The following ITGAE variants were observed in gnomAD, a reference collection of about 807,000 sequenced individuals.
The protein encoded by ITGAE is integrin subunit alpha E.
Under a neutral mutation model 136.5 loss-of-function variants are expected in ITGAE, and 99 were observed. That is an observed-to-expected ratio of 0.73 (90% CI 0.62 to 0.86). The LOEUF (loss-of-function observed/expected upper bound fraction) is 0.86, where lower values mean the gene tolerates loss of function less well. Among genes scored for constraint, ITGAE ranks in the 40% least tolerant of loss-of-function variants. The pLI is 0.00. For missense variants in ITGAE, 1,447 were observed against 1,515.3 expected (o/e 0.95, Z 0.75); for synonymous variants, 613 against 591.8 (o/e 1.04, Z -0.52).
At chr17:3,717,467 T>C (rs2143005392) in intron 29 of ITGAE, 1 of 152,332 alleles carries the variant, frequency 6.6e-6, no homozygotes, top group East Asian at 1.9e-4. Context: ...GGGAGTCTAA[T>C]CTCTCTTCTG....
intron 14 of ITGAE, among the ~76,000 whole-genome samples, chr17:3,752,851 A>T (rs1443345366): frequency 2.0e-5 from 3 of 151,780 alleles, no homozygotes; most frequent in Non-Finnish European, 4.4e-5. Flanking sequence ...GGAGTTCAAG[A>T]CCAGCCTGAC....
chr17:3,740,282 C>T (rs1386334342), intron 19 of ITGAE, among the ~76,000 whole-genome samples: 1 of 152,242 alleles, frequency 6.6e-6, no homozygotes, highest in Non-Finnish European at 1.5e-5. Flanking sequence ...ATAGGCAGAA[C>T]AGCCCGGGCA....
intron 24 of ITGAE, 66 bp from the exon 25 acceptor site, chr17:3,728,234 C>A: frequency 8.1e-7 from 1 of 1,228,338 alleles, no homozygotes; most frequent in South Asian, 1.2e-5. Context: ...GACAGGGTCT[C>A]ACTCTGTTGC....
At chr17:3,782,558 G>C (rs2052691532) in intron 1 of ITGAE, among the ~76,000 whole-genome samples, 2 of 151,874 alleles carry the variant, frequency 1.3e-5, no homozygotes, top group African/African-American at 4.8e-5. Flanking sequence ...AGTAGAGATA[G>C]GTTTTCACCG....
chr17:3,797,976 A>C (rs2053161925), intron 1 of ITGAE, among the ~76,000 whole-genome samples: 1 of 152,054 alleles, frequency 6.6e-6, no homozygotes, highest in Non-Finnish European at 1.5e-5. Flanking sequence ...AAGCTCCCCC[A>C]GGCCGGCACT....
rs182892061 is a variant in ITGAE at position 3,759,277 on chromosome 17, C to T, written c.866+125G>A. ...AGGTGTCATCCCTCACGTTCTCTCTCGGCCAGGGAAAGGCTGGAGCCCTAA... is the reference window on the plus strand; with the variant it reads ...AGGTGTCATCCCTCACGTTCTCTCTTGGCCAGGGAAAGGCTGGAGCCCTAA... On this transcript the variant is annotated intron_variant, in intron 8 of 30. Coordinates refer to ENST00000263087, the MANE Select transcript of ITGAE (RefSeq NM_002208.5). 8.1e-5 allele frequency: 90 copies of T among 1,109,732 alleles called. 1 individual carries two copies. In the East Asian group the frequency reaches 1.3e-3, roughly 16 times the overall value. 68.7% of individuals were successfully genotyped at this position (1,109,732 alleles called of 1,614,324 possible). A position where few individuals can be genotyped will look rare whatever the true frequency, so the allele number is the denominator to read the frequency against.
intron 1 of ITGAE, among the ~76,000 whole-genome samples, chr17:3,781,593 G>A (rs1232962527): frequency 1.3e-5 from 2 of 151,936 alleles, no homozygotes; most frequent in African/African-American, 2.4e-5. Flanking sequence ...CTGACCTCAG[G>A]TGATCCGCCC....
intron 2 of ITGAE, among the ~76,000 whole-genome samples, chr17:3,775,851 C>T (rs1353275674): frequency 6.6e-6 from 1 of 152,078 alleles, no homozygotes; most frequent in Non-Finnish European, 1.5e-5. Context: ...CGTGCATCCT[C>T]AGCTTTACCA....
In ITGAE at chr17:3,753,736, A is replaced by G. The variant is rs771981396; in HGVS notation, c.1527+47T>C. 3.1e-6 allele frequency: 5 copies of G among 1,606,350 alleles called. No homozygotes were observed. In the African/African-American group the frequency reaches 5.4e-5, roughly 17 times the overall value. ...CCACTCCTTTCCCTTGGGGGCCTCC[A>G]GATTCCCCATCGGTCATAAGGGGTG... On this transcript the variant is annotated intron_variant, in intron 13 of 30. Coordinates refer to ENST00000263087, the MANE Select transcript of ITGAE (RefSeq NM_002208.5).
chr17:3,763,777 G>C (rs2143137929), intron 3 of ITGAE, 92 bp downstream of exon 3: 1 of 1,003,244 alleles, frequency 1.0e-6, no homozygotes, highest in East Asian at 2.4e-5. Flanking sequence ...GATGAGGCAG[G>C]GCTGGGGTTG....
intron 18 of ITGAE, 37 bp downstream of exon 18, chr17:3,745,727 G>A (rs1278903587): frequency 6.2e-7 from 1 of 1,600,074 alleles, no homozygotes; most frequent in Non-Finnish European, 8.5e-7. Flanking sequence ...CAATGACAAA[G>A]ACCCCTCCTG....
chr17:3,746,032 TC>T, intron 17 of ITGAE, 105 bp from the exon 18 acceptor site: 2 of 1,016,052 alleles, frequency 2.0e-6, no homozygotes, highest in Non-Finnish European at 2.9e-6. Context: ...CTGAACAGTG[TC>T]CCCATGCAGG....
At position 3,797,259 on chromosome 17, in the gene ITGAE, G is replaced by A. The variant is rs578245211; in HGVS notation, c.34+3852C>T. Among the ~76,000 whole-genome samples, 19 of 146,590 alleles carry A rather than the reference G, an allele frequency of 1.3e-4. No homozygotes were observed. The East Asian group carries it at 1.4e-3, about 11-fold the overall frequency. On this transcript the variant is annotated intron_variant, in intron 1 of 30. Transcript: ENST00000263087. The stretch of plus-strand genomic sequence containing the variant: ...CGGCTCACTGCAAGCTCCGCCTCCC[G>A]GGTTCACGCCATTCTCCTGCCTCAG...
Position 3,797,016 on chromosome 17 carries a change from G to A in ITGAE, c.34+4095C>T, listed in dbSNP as rs535276856. ...GTCCCCCCACCTCGATCTTCTACACGGAGCCTCATCAACTCCACCCCAAAC... is the reference window on the plus strand; with the variant it reads ...GTCCCCCCACCTCGATCTTCTACACAGAGCCTCATCAACTCCACCCCAAAC... On this transcript the variant is annotated intron_variant, in intron 1 of 30. Transcript: ENST00000263087. 7.2e-5 allele frequency among the ~76,000 whole-genome samples: 11 copies of A among 151,850 alleles called. No homozygotes were observed. In the East Asian group the frequency reaches 2.1e-3, roughly 29 times the overall value.
At chr17:3,716,651 A>G in intron 30 of ITGAE, 37 bp downstream of exon 30, 1 of 1,232,906 alleles carries the variant, frequency 8.1e-7, no homozygotes. Context: ...ACTAGAGCCC[A>G]GTCTTCCCTC....
At chr17:3,730,017 G>C (rs2051304499) in intron 23 of ITGAE, among the ~76,000 whole-genome samples, 1 of 152,180 alleles carries the variant, frequency 6.6e-6, no homozygotes, top group Non-Finnish European at 1.5e-5. Context: ...ACACGCATTA[G>C]CTATTCTTCC....
intron 26 of ITGAE, chr17:3,725,399 G>A: frequency 6.2e-7 from 1 of 1,614,232 alleles, no homozygotes; most frequent in Non-Finnish European, 8.5e-7. Flanking sequence ...AACGCTGTGA[G>A]AAGATTGGGG....
At chr17:3,724,695 C>T in intron 26 of ITGAE, 1 of 1,614,190 alleles carries the variant, frequency 6.2e-7, no homozygotes, top group Admixed American at 1.7e-5. Flanking sequence ...CTCAGGAACC[C>T]CTGAGGATTC....
intron 28 of ITGAE, 125 bp downstream of exon 28, chr17:3,723,163 G>C (rs2051093477): frequency 7.0e-6 from 5 of 709,464 alleles, no homozygotes; most frequent in Non-Finnish European, 1.2e-5. Context: ...CAGAGGGTTG[G>C]TTTTTTGCAC....
Sources: gnomAD v4.1 joint callset for allele counts (sites outside exome capture counted in the v4.1 genomes callset) on GRCh38, gnomAD v4.1.1 for gene constraint, MANE v1.5 for transcripts, NCBI Gene and HGNC (gene_info 2026-07-23, HGNC 2026-07-21) for gene names.